The following METTL8 variants were observed in gnomAD, a reference collection of about 807,000 sequenced individuals.
METTL8 encodes methyltransferase 8, tRNA N3-cytidine.
Under a neutral mutation model 48.7 loss-of-function variants are expected in METTL8, and 32 were observed. The ratio of observed to expected loss-of-function variants is 0.66; its 90% confidence interval spans 0.50 to 0.88. The LOEUF is 0.88. Ranked by LOEUF, METTL8 falls within the 40% of genes least tolerant of loss-of-function variation. METTL8 has a pLI of 0.00. For missense variants in METTL8, 464 were observed against 474.4 expected (o/e 0.98, Z 0.20); for synonymous variants, 136 against 157.1 (o/e 0.87, Z 1.01).
chr2:171,433,599 G>A (rs535742583), intron 1 of METTL8, among the ~76,000 whole-genome samples: 2 of 152,230 alleles, frequency 1.3e-5, no homozygotes, highest in South Asian at 4.2e-4. Context: ...ACATCGACGA[G>A]GAATATCTTA....
intron 1 of METTL8, among the ~76,000 whole-genome samples, chr2:171,396,408 T>C (rs1420536924): frequency 2.0e-4 from 30 of 152,190 alleles, no homozygotes; most frequent in Non-Finnish European, 5.9e-5. Context: ...TTCTTATCTC[T>C]GGTAACAGTC....
chr2:171,345,257 T>A (rs1687154084), intron 3 of METTL8, among the ~76,000 whole-genome samples: 1 of 152,206 alleles, frequency 6.6e-6, no homozygotes, highest in Admixed American at 6.5e-5. Flanking sequence ...ATATTCAGAA[T>A]TCATTCTGAA....
intron 3 of METTL8, among the ~76,000 whole-genome samples, chr2:171,349,127 A>T (rs1322834530): frequency 6.6e-6 from 1 of 152,238 alleles, no homozygotes; most frequent in African/African-American, 2.4e-5. Flanking sequence ...TATTAACTAC[A>T]TACCAATTAA....
chr2:171,344,266 A>G (rs1322505692), intron 3 of METTL8, among the ~76,000 whole-genome samples: 7 of 152,316 alleles, frequency 4.6e-5, no homozygotes, highest in East Asian at 1.9e-4. Flanking sequence ...AAGAAATTCA[A>G]TGTCAGAGGA....
At chr2:171,347,786 TG>T (rs1244964454) in intron 3 of METTL8, among the ~76,000 whole-genome samples, 1 of 152,200 alleles carries the variant, frequency 6.6e-6, no homozygotes, top group African/African-American at 2.4e-5. Flanking sequence ...CAATATTGGC[TG>T]ATTTGTAAGC....
intron 2 of METTL8, among the ~76,000 whole-genome samples, chr2:171,381,436 C>T (rs1052857033): frequency 3.9e-5 from 6 of 152,260 alleles, no homozygotes; most frequent in Admixed American, 2.0e-4. Context: ...GGCTTCTGCA[C>T]AGCCAAAGAA....
chr2:171,396,851 C>CT lies in METTL8; in HGVS notation c.-12-4655dup, dbSNP rs538433167. Among the ~76,000 whole-genome samples the CT allele has an allele frequency of 1.6e-3, 222 of 141,270 alleles. 1 individual carries two copies. Among genetic ancestry groups the CT allele is most frequent in the African/African-American group, 2.3e-3 (90 of 39,720 alleles). 92.7% of individuals were successfully genotyped at this position (141,270 alleles called of 152,430 possible). Reference sequence around the variant, plus strand: ...TCAAATCAATAATCTCAGCTTCTATCTTTTTTTTTTTTTCTTTTTTGAGAC... The same window carrying CT: ...TCAAATCAATAATCTCAGCTTCTATCTTTTTTTTTTTTTTCTTTTTTGAGAC... On this transcript the variant is annotated intron_variant, in intron 1 of 9. Transcript: ENST00000375258.
At chr2:171,355,797 G>A (rs960050600) in intron 3 of METTL8, among the ~76,000 whole-genome samples, 7 of 152,212 alleles carry the variant, frequency 4.6e-5, no homozygotes, top group Non-Finnish European at 1.0e-4. Context: ...CTGGTGCGCC[G>A]TTTGCTAAGA....
intron 2 of METTL8, among the ~76,000 whole-genome samples, chr2:171,366,028 T>C (rs991371090): frequency 5.3e-5 from 8 of 151,994 alleles, no homozygotes; most frequent in African/African-American, 1.9e-4. Context: ...AACAGGATAC[T>C]AAAGGGGAGA....
At chr2:171,403,177 G>A (rs7562674) in intron 1 of METTL8, among the ~76,000 whole-genome samples, 21,168 of 152,078 alleles carry the variant, frequency 0.14, 1,581 homozygotes, top group Admixed American at 0.2. Context: ...AGTTCAGTGT[G>A]GAAAGGGGGA....
intron 4 of METTL8, among the ~76,000 whole-genome samples, chr2:171,337,904 C>T (rs927427674): frequency 6.6e-6 from 1 of 151,094 alleles, no homozygotes; most frequent in African/African-American, 2.4e-5. Context: ...ATCAAAGAAA[C>T]GCATATTAAA....
intron 1 of METTL8, among the ~76,000 whole-genome samples, chr2:171,418,981 T>C (rs1256092847): frequency 6.6e-6 from 1 of 150,760 alleles, no homozygotes; most frequent in Non-Finnish European, 1.5e-5. Flanking sequence ...TACTCCAGTA[T>C]GAGTATAGTC....
chr2:171,330,508 T>A, intron 7 of METTL8, 51 bp downstream of exon 7: 2 of 1,554,668 alleles, frequency 1.3e-6, no homozygotes, highest in Non-Finnish European at 1.7e-6. Flanking sequence ...TGAAAACCAC[T>A]ACTGATAAAG....
chr2:171,375,337 G>T, intron 2 of METTL8: 1 of 694,760 alleles, frequency 1.4e-6, no homozygotes, highest in Non-Finnish European at 2.6e-6. Context: ...CAAGTTCCTC[G>T]TTAGCATAGT....
At chr2:171,388,933 G>A (rs550171237) in intron 2 of METTL8, among the ~76,000 whole-genome samples, 3 of 152,280 alleles carry the variant, frequency 2.0e-5, no homozygotes, top group South Asian at 4.1e-4. Flanking sequence ...TAAATGTTAT[G>A]TGTGTTCTGA....
At chr2:171,393,533 T>C (rs905323068) in intron 1 of METTL8, among the ~76,000 whole-genome samples, 2 of 152,146 alleles carry the variant, frequency 1.3e-5, no homozygotes, top group African/African-American at 4.8e-5. Context: ...ATCTTAATTA[T>C]GTACTTGTAA....
chr2:171,326,152 T>C lies in METTL8; in HGVS notation c.861-4A>G. 6.8e-7 allele frequency: 1 copy of C among 1,476,578 alleles called. No homozygotes were observed. Among genetic ancestry groups the C allele is most frequent in the African/African-American group, 1.4e-5 (1 of 71,238 alleles). The allele number at this position is 1,476,578 out of a possible 1,614,324, so 91.5% of individuals were successfully genotyped here. A position where few individuals can be genotyped will look rare whatever the true frequency, so the allele number is the denominator to read the frequency against. ...TCGGTTTACAACACCTTGCATCCTT[T>C]GGAAACAAAGTATTAAAAAGATACC... On this transcript the variant is annotated splice_region_variant and splice_polypyrimidine_tract_variant and intron_variant, in intron 7 of 9. Transcript: ENST00000375258.
chr2:171,365,924 T>TGGTGC (rs1322767977), intron 2 of METTL8, among the ~76,000 whole-genome samples: 1 of 152,198 alleles, frequency 6.6e-6, no homozygotes, highest in Non-Finnish European at 1.5e-5. Context: ...TTCTAGACTG[T>TGGTGC]GGTGCAGAGA....
At chr2:171,384,019 A>C (rs1402512086) in intron 2 of METTL8, among the ~76,000 whole-genome samples, 1 of 152,268 alleles carries the variant, frequency 6.6e-6, no homozygotes, top group African/African-American at 2.4e-5. Flanking sequence ...CAAGAGGCAA[A>C]ACAGGGGAAC....
Sources: allele counts gnomAD v4.1 joint callset (sites outside exome capture counted in the v4.1 genomes callset), GRCh38; gene constraint gnomAD v4.1.1; transcripts MANE v1.5; gene names NCBI Gene and HGNC (gene_info 2026-07-23, HGNC 2026-07-21).